Variants in PRSS1 observed in about 807,000 individuals in gnomAD.
The protein encoded by PRSS1 is serine protease 1, also known as TCR V beta 4.1.
In PRSS1, 22 loss-of-function variants were observed where a neutral mutation model predicts 24.2. The ratio of observed to expected loss-of-function variants is 0.91; its 90% CI spans 0.65 to 1.30. The LOEUF (loss-of-function observed/expected upper bound fraction) is 1.30. Among genes scored for constraint, PRSS1 ranks in the 50% most tolerant of loss-of-function variants. The pLI, the probability that PRSS1 is intolerant of heterozygous loss-of-function variation, is 0.00. For missense variants in PRSS1, 366 were observed against 304.2 expected, an observed-to-expected ratio of 1.20 and a Z score of -1.51; for synonymous variants, 126 against 116.1, an observed-to-expected ratio of 1.08 and a Z score of -0.55.
Position 142,750,596 on chromosome 7 carries a change from T to C in PRSS1, c.82T>C (p.Tyr28His), listed in dbSNP as rs1405433158. 1.2e-6 allele frequency: 2 copies of C among 1,614,056 alleles called. No homozygotes were observed. The highest frequency in any genetic ancestry group is 1.7e-6 in the Non-Finnish European group (2 of 1,179,872). ...TGATGATGACAAGATCGTTGGGGGC[T>C]ACAACTGTGAGGAGAATTCTGTCCC... ...FDDDDKIVGGYNCEENSVPYQ... is the reference protein window; with the variant it reads ...FDDDDKIVGGHNCEENSVPYQ... The change falls in exon 2 of 5, where the codon TAC (tyrosine) becomes CAC (histidine). Residue 28 changes from tyrosine to histidine, a missense_variant. Tyr to His is a moderately conservative substitution (Grantham distance 83). Coordinates refer to ENST00000311737, the MANE Select transcript of PRSS1 (RefSeq NM_002769.5).
Position 142,752,913 on chromosome 7 carries a change from G to C in PRSS1, c.637G>C (p.Val213Leu), listed in dbSNP as rs200902389. 2.0e-6 allele frequency: 3 copies of C among 1,523,466 alleles called. No individual in the cohort carries two copies. Among genetic ancestry groups the C allele is most frequent in the Non-Finnish European group, 2.7e-6 (3 of 1,129,896 alleles). The allele number at this position is 1,523,466 out of a possible 1,614,324, so 94.4% of individuals were successfully genotyped here. A position where few individuals can be genotyped will look rare whatever the true frequency, so the allele number is the denominator to read the frequency against. ...PVVCNGQLQG[V>L]VSWGDGCAQK... ...GGTCTGCAATGGACAGCTCCAAGGA[G>C]TTGTCTCCTGGGGTGATGGCTGTGC... is the stretch of plus-strand genomic sequence containing the variant. Residue 213 changes from valine (V) to leucine (L), a missense_variant, in exon 5 of 5, where the codon GTT (valine) becomes CTT (leucine). By Grantham distance (32) the Val-to-Leu change is conservative (BLOSUM62 1). Coordinates refer to ENST00000311737, the MANE Select transcript of PRSS1 (RefSeq NM_002769.5).
chr7:142,752,115 C>T (rs1798792034), intron 3 of PRSS1, 88 bp downstream of exon 3: 9 of 1,585,942 alleles, frequency 5.7e-6, no homozygotes, highest in Non-Finnish European at 8.6e-7. Flanking sequence ...CCTCTCACCT[C>T]CAGGCTTAAG....
At position 142,752,965 on chromosome 7, in the gene PRSS1, C is replaced by A; in HGVS notation, c.689C>A (p.Thr230Asn). 1 of 1,613,868 alleles carries A rather than the reference C, an allele frequency of 6.2e-7. No individual in the cohort carries two copies. The part of the protein sequence containing the change: ...CAQKNKPGVY[T>N]KVYNYVKWIK... The stretch of plus-strand genomic sequence containing the variant: ...CAGAAGAACAAGCCTGGAGTCTACA[C>A]CAAGGTCTACAACTATGTGAAATGG... The change falls in exon 5 of 5, where the codon ACC becomes AAC. Residue 230 changes from threonine to asparagine, a missense_variant. By Grantham distance (65) the Thr-to-Asn change is moderately conservative. Coordinates refer to ENST00000311737, the MANE Select transcript of PRSS1 (RefSeq NM_002769.5).
At position 142,751,973 on chromosome 7, in the gene PRSS1, G is replaced by A. The variant is rs752456117; in HGVS notation, c.400G>A (p.Ala134Thr). 14 of 1,613,984 alleles carry A rather than the reference G, an allele frequency of 8.7e-6. No homozygotes were observed. Among genetic ancestry groups the A allele is most frequent in the Non-Finnish European group, 1.2e-5 (14 of 1,180,024 alleles). ...STISLPTAPPATGTKCLISGW... is the reference protein window; with the variant it reads ...STISLPTAPPTTGTKCLISGW... ...CATCTCTCTGCCCACCGCCCCTCCA[G>A]CCACTGGCACGAAGTGCCTCATCTC... is the stretch of plus-strand genomic sequence containing the variant. Residue 134 changes from alanine to threonine, a missense_variant, in exon 3 of 5, where the codon GCC (alanine) becomes ACC (threonine). Coordinates refer to ENST00000311737, the MANE Select transcript of PRSS1 (RefSeq NM_002769.5).
chr7:142,749,792 A>G (rs1798533384), intron 1 of PRSS1, among the ~76,000 whole-genome samples: 1 of 152,132 alleles, frequency 6.6e-6, no homozygotes, highest in African/African-American at 2.4e-5. Flanking sequence ...CTGTCCCACG[A>G]AATGAAGCAG....
intron 3 of PRSS1, 117 bp from the exon 4 acceptor site, chr7:142,752,314 T>C (rs1798811232): frequency 7.0e-7 from 1 of 1,430,194 alleles, no homozygotes; most frequent in Non-Finnish European, 9.9e-7. Flanking sequence ...AGGACTTATG[T>C]TCTGGAGTCC....
chr7:142,751,466 G>C (rs2116972496), intron 2 of PRSS1: 1 of 585,322 alleles, frequency 1.7e-6, no homozygotes, highest in South Asian at 2.0e-5. Context: ...GGAGCTCCTT[G>C]TGCCCACAGT....
Position 142,751,364 on chromosome 7 carries a change from G to T in PRSS1, c.201-410G>T, listed in dbSNP as rs1199765145. ...ACCCTTGGATTAGATTACACAGAAG[G>T]GTGGTTCTCACCAGGCCAAGAATGG... On this transcript the variant is annotated intron_variant, in intron 2 of 4. Transcript: ENST00000311737. The T allele has an allele frequency of 1.4e-5, 8 of 579,668 alleles. No homozygotes were observed. The Admixed American group carries it at 2.4e-4, about 18-fold the overall frequency. The allele number at this position is 579,668 out of a possible 1,614,324, so 35.9% of individuals were successfully genotyped here. A position where few individuals can be genotyped will look rare whatever the true frequency, so the allele number is the denominator to read the frequency against.
In PRSS1 at chr7:142,752,032, G is replaced by T. The variant is rs1468322371; in HGVS notation, c.454+5G>T. 5.6e-6 allele frequency: 9 copies of T among 1,614,010 alleles called. No homozygotes were observed. Among genetic ancestry groups the T allele is most frequent in the Non-Finnish European group, 7.6e-6 (9 of 1,180,008 alleles). ...GCAACACTGCGAGCTCTGGCGGTGA[G>T]TGGGACCCTTAGTCCTTCTACTTCC... On this transcript the variant is annotated splice_donor_5th_base_variant and intron_variant, in intron 3 of 4. Coordinates refer to ENST00000311737, the MANE Select transcript of PRSS1 (RefSeq NM_002769.5).
In PRSS1 at chr7:142,752,033, T is replaced by A. The variant is rs1798782914; in HGVS notation, c.454+6T>A. The A allele has an allele frequency of 6.2e-7, 1 of 1,613,922 alleles. No individual in the cohort carries two copies. The highest frequency in any genetic ancestry group is 1.7e-5 in the Admixed American group (1 of 59,984). On this transcript the variant is annotated splice_donor_region_variant and intron_variant, in intron 3 of 4. Transcript: ENST00000311737. ...CAACACTGCGAGCTCTGGCGGTGAG[T>A]GGGACCCTTAGTCCTTCTACTTCCC...
chr7:142,750,700 C>A lies in PRSS1; in HGVS notation c.186C>A (p.Gly62=), dbSNP rs199713773. Reference sequence around the variant, plus strand: ...ACGAACAGTGGGTGGTATCAGCAGGCCACTGCTACAAGTCGTAAGTGTGGG... The same window carrying A: ...ACGAACAGTGGGTGGTATCAGCAGGACACTGCTACAAGTCGTAAGTGTGGG... ...LINEQWVVSA[G]HCYKSRIQVR... is the part of the protein sequence containing the mutation. The change falls in exon 2 of 5, where the codon GGC becomes GGA. Residue 62 remains glycine, a synonymous_variant. Transcript: ENST00000311737. The A allele has an allele frequency of 6.7e-7, 1 of 1,494,512 alleles. No individual in the cohort carries two copies. The highest frequency in any genetic ancestry group is 2.4e-5 in the East Asian group (1 of 42,008). The allele number at this position is 1,494,512 out of a possible 1,614,324, so 92.6% of individuals were successfully genotyped here.
In PRSS1 at chr7:142,751,956, T is replaced by A. The variant is rs749518244; in HGVS notation, c.383T>A (p.Leu128Gln). The A allele has an allele frequency of 6.2e-7, 1 of 1,614,060 alleles. No homozygotes were observed. Reference protein sequence around the residue: ...VINARVSTISLPTAPPATGTK... With the variant: ...VINARVSTISQPTAPPATGTK... ...AACGCCCGCGTGTCCACCATCTCTC[T>A]GCCCACCGCCCCTCCAGCCACTGGC... Residue 128 changes from leucine (L) to glutamine (Q), a missense_variant, in exon 3 of 5, where the codon CTG becomes CAG. Coordinates refer to ENST00000311737, the MANE Select transcript of PRSS1 (RefSeq NM_002769.5).
chr7:142,751,716 T>A (rs780863179), intron 2 of PRSS1, 58 bp from the exon 3 acceptor site: 3 of 1,613,960 alleles, frequency 1.9e-6, no homozygotes, highest in Admixed American at 3.3e-5. Flanking sequence ...CTGGGGAAGG[T>A]GGGATAGGTG....
rs760222640 is a variant in PRSS1, at chr7:142,750,938, C to G, written c.200+224C>G. The G allele has an allele frequency of 7.8e-6, 6 of 773,964 alleles. No homozygotes were observed. The African/African-American group carries it at 1.0e-4, about 13-fold the overall frequency. 47.9% of individuals were successfully genotyped at this position (773,964 alleles called of 1,614,324 possible). A position where few individuals can be genotyped will look rare whatever the true frequency, so the allele number is the denominator to read the frequency against. On this transcript the variant is annotated intron_variant, in intron 2 of 4. Transcript: ENST00000311737. ...ACAGCAAGGGTTGTGGTCATAAAAG[C>G]AGGCAGGGATGATCTTGGGGTGGTG... is the stretch of plus-strand genomic sequence containing the variant.
intron 3 of PRSS1, among the ~76,000 whole-genome samples, 159 bp downstream of exon 3, chr7:142,752,186 A>G (rs374388015): frequency 1.3e-3 from 161 of 125,012 alleles, no homozygotes; most frequent in African/African-American, 3.4e-3. Context: ...GATGCAAACT[A>G]TCAAGGACTT....
intron 1 of PRSS1, among the ~76,000 whole-genome samples, chr7:142,749,899 C>T (rs796861808): frequency 6.6e-6 from 1 of 150,834 alleles, no homozygotes; most frequent in Non-Finnish European, 1.5e-5. Context: ...TTACTCATGC[C>T]AGAGACTCAG....
intron 2 of PRSS1, 134 bp downstream of exon 2, chr7:142,750,848 C>A (rs546027603): frequency 4.5e-6 from 6 of 1,338,494 alleles, no homozygotes; most frequent in Middle Eastern, 1.8e-4. Flanking sequence ...TTGGCAGCTG[C>A]GGACTCTCCA....
chr7:142,750,251 G>C (rs796108595), intron 1 of PRSS1, among the ~76,000 whole-genome samples: 3 of 152,204 alleles, frequency 2.0e-5, no homozygotes, highest in African/African-American at 7.2e-5. Context: ...CACTCAGTGG[G>C]AGAGACAACC....
chr7:142,749,692 G>A (rs1305528500), intron 1 of PRSS1, among the ~76,000 whole-genome samples, 168 bp downstream of exon 1: 1 of 128,690 alleles, frequency 7.8e-6, no homozygotes, highest in East Asian at 2.1e-4. Context: ...AGTCTCACCT[G>A]TTCACCTTCT....
Sources: allele counts gnomAD v4.1 joint callset (sites outside exome capture counted in the v4.1 genomes callset), GRCh38; gene constraint gnomAD v4.1.1; transcripts MANE v1.5; gene names NCBI Gene and HGNC (gene_info 2026-07-23, HGNC 2026-07-21).